C9: variants seen among roughly 807,000 people sequenced by gnomAD.
The protein encoded by C9 is complement component C9.
In C9, 63 loss-of-function variants were observed where a neutral mutation model predicts 65.4. The observed-to-expected ratio is 0.96, with a 90% CI of 0.79 to 1.19. C9 has a LOEUF of 1.19. Ranked by LOEUF, C9 falls within the 50% of genes most tolerant of loss-of-function variation. The probability of loss-of-function intolerance (pLI) is 0.00; values close to 1 mark genes in which losing one functional copy is unlikely to be tolerated. For synonymous variants in C9, 229 were observed against 227.9 expected (o/e 1.00, Z -0.04); for missense variants, 744 against 670.1 (o/e 1.11, Z -1.22).
chr5:39,346,576 G>A (rs1168034865), intron 1 of C9, among the ~76,000 whole-genome samples: 1 of 152,140 alleles, frequency 6.6e-6, no homozygotes, highest in East Asian at 1.9e-4. Flanking sequence ...ATTCACAGCT[G>A]AATTCTACCA....
At chr5:39,364,358 C>T in intron 1 of C9, 30 bp downstream of exon 1, 1 of 1,326,360 alleles carries the variant, frequency 7.5e-7, no homozygotes. Context: ...AGGAAACTTC[C>T]AGAGACAAGC....
intron 9 of C9, among the ~76,000 whole-genome samples, chr5:39,305,106 G>A (rs1753351234): frequency 6.6e-6 from 1 of 151,938 alleles, no homozygotes; most frequent in South Asian, 2.1e-4. Context: ...TCTTATTTAA[G>A]ATCTTCCAAC....
intron 9 of C9, among the ~76,000 whole-genome samples, chr5:39,301,075 A>G (rs28363952): frequency 0.4 from 60,363 of 151,940 alleles, 13,363 homozygotes; most frequent in Middle Eastern, 0.59. Flanking sequence ...TAATTCAAAC[A>G]TTAAAAGCAC....
chr5:39,309,085 G>T (rs1451711613), intron 7 of C9, among the ~76,000 whole-genome samples: 1 of 152,098 alleles, frequency 6.6e-6, no homozygotes. Context: ...ATTATGGTGT[G>T]TAGATGCCCA....
chr5:39,326,645 A>G (rs1293293130), intron 5 of C9, among the ~76,000 whole-genome samples: 1 of 152,244 alleles, frequency 6.6e-6, no homozygotes, highest in Non-Finnish European at 1.5e-5. Context: ...CCCTGAATGC[A>G]TGAGTTTATT....
At chr5:39,345,358 G>T (rs1405786219) in intron 1 of C9, among the ~76,000 whole-genome samples, 1 of 152,150 alleles carries the variant, frequency 6.6e-6, no homozygotes, top group Non-Finnish European at 1.5e-5. Flanking sequence ...ACAAAAAAAG[G>T]CAGGGGTTGT....
rs757739318 is a variant in C9 at position 39,311,306 on chromosome 5, C to T, written c.942G>A (p.Val314=). The T allele has an allele frequency of 1.2e-6, 2 of 1,612,990 alleles. No homozygotes were observed. The highest frequency in any genetic ancestry group is 1.7e-5 in the Admixed American group (1 of 59,968). ...TATCATCCACAAAAGTTGTTGTGAG[C>T]ACAACATCGCGATTTCTCATTACAA... ...GRFVMRNRDV[V]LTTTFVDDIK... is the part of the protein sequence containing the mutation. The change falls in exon 7 of 11, where the codon GTG becomes GTA. Residue 314 remains valine (V), a synonymous_variant. Coordinates refer to ENST00000263408, the MANE Select transcript of C9 (RefSeq NM_001737.5).
chr5:39,300,096 A>G (rs555040914), intron 9 of C9, among the ~76,000 whole-genome samples: 2 of 152,230 alleles, frequency 1.3e-5, no homozygotes, highest in Admixed American at 1.3e-4. Flanking sequence ...GGTACACTGC[A>G]GGTGCCTAAG....
intron 10 of C9, among the ~76,000 whole-genome samples, chr5:39,286,720 GT>G (rs904147170): frequency 8.1e-5 from 12 of 148,320 alleles, no homozygotes; most frequent in African/African-American, 2.7e-4. Context: ...GAGAGTGAGA[GT>G]TTTTTTTGGA....
intron 4 of C9, among the ~76,000 whole-genome samples, chr5:39,339,370 G>A (rs749521093): frequency 2.6e-5 from 4 of 152,150 alleles, no homozygotes; most frequent in Admixed American, 6.5e-5. Context: ...TTGGTATCCT[G>A]GGATATTTTT....
At chr5:39,358,940 G>C (rs914065955) in intron 1 of C9, among the ~76,000 whole-genome samples, 66 of 150,938 alleles carry the variant, frequency 4.4e-4, no homozygotes, top group Admixed American at 1.5e-3. Context: ...AGCCGAGATC[G>C]CGCCACTGCA....
chr5:39,318,444 A>T (rs889410223), intron 5 of C9, among the ~76,000 whole-genome samples: 1 of 152,188 alleles, frequency 6.6e-6, no homozygotes, highest in Non-Finnish European at 1.5e-5. Context: ...CTGGTTTTCA[A>T]GGAGAATGCT....
At chr5:39,339,932 T>G (rs1754044317) in intron 4 of C9, among the ~76,000 whole-genome samples, 1 of 152,104 alleles carries the variant, frequency 6.6e-6, no homozygotes, top group South Asian at 2.1e-4. Context: ...TTGCTGAGAT[T>G]ACAGGCGTGA....
chr5:39,332,407 G>C (rs562463619), intron 4 of C9, among the ~76,000 whole-genome samples: 1 of 152,166 alleles, frequency 6.6e-6, no homozygotes, highest in Admixed American at 6.5e-5. Flanking sequence ...ATCCTGGCAA[G>C]GCATTCTCAA....
intron 1 of C9, among the ~76,000 whole-genome samples, chr5:39,359,720 G>A (rs115768594): frequency 1.9e-4 from 29 of 152,324 alleles, no homozygotes; most frequent in African/African-American, 6.5e-4. Context: ...AAGCTTCACA[G>A]GAGCATCACA....
At chr5:39,294,285 T>C (rs1371028663) in intron 9 of C9, among the ~76,000 whole-genome samples, 5 of 151,654 alleles carry the variant, frequency 3.3e-5, no homozygotes, top group Non-Finnish European at 5.9e-5. Context: ...TAAAGGTTTT[T>C]ATTTTAAAAG....
At chr5:39,344,690 C>T (rs961154706) in intron 1 of C9, among the ~76,000 whole-genome samples, 3 of 152,114 alleles carry the variant, frequency 2.0e-5, no homozygotes, top group Non-Finnish European at 4.4e-5. Context: ...AGATACTCCT[C>T]GAGAAGAGCA....
At chr5:39,344,932 G>C (rs1329776494) in intron 1 of C9, among the ~76,000 whole-genome samples, 1 of 152,134 alleles carries the variant, frequency 6.6e-6, no homozygotes, top group Admixed American at 6.6e-5. Flanking sequence ...AGCTTCACAA[G>C]TGAAGGAGAA....
chr5:39,344,500 C>T (rs889349559), intron 1 of C9, among the ~76,000 whole-genome samples: 13 of 152,178 alleles, frequency 8.5e-5, no homozygotes, highest in African/African-American at 3.1e-4. Flanking sequence ...TGAACAAAGC[C>T]TCCAAGAAAT....
Sources: gnomAD v4.1 joint callset for allele counts (sites outside exome capture counted in the v4.1 genomes callset) on GRCh38, gnomAD v4.1.1 for gene constraint, MANE v1.5 for transcripts, NCBI Gene and HGNC (gene_info 2026-07-23, HGNC 2026-07-21) for gene names.